ZNF540: variants seen among roughly 807,000 people sequenced by gnomAD.
The protein encoded by ZNF540 is zinc finger protein 540.
A neutral mutation model predicts 11.8 loss-of-function variants in ZNF540; 3 were observed. That is an observed-to-expected ratio of 0.25 (90% CI 0.12 to 0.65). The LOEUF is 0.65. ZNF540 is among the 30% of genes least tolerant of loss of function. The probability of loss-of-function intolerance (pLI) is 0.83; values close to 1 mark genes in which losing one functional copy is unlikely to be tolerated. For synonymous variants in ZNF540, 247 were observed against 259.0 expected (o/e 0.95, Z 0.45); for missense variants, 709 against 793.1 (o/e 0.89, Z 1.27).
intron 1 of ZNF540, among the ~76,000 whole-genome samples, chr19:37,561,074 A>AAAG (rs57590004): frequency 8.3e-4 from 113 of 135,808 alleles, no homozygotes; most frequent in Admixed American, 2.6e-3. Flanking sequence ...AAAAAAAAAA[A>AAAG]GAAAGAAAAA....
intron 4 of ZNF540, among the ~76,000 whole-genome samples, chr19:37,604,673 TTGTATC>T (rs1243140056): frequency 6.6e-6 from 1 of 152,146 alleles, no homozygotes; most frequent in Non-Finnish European, 1.5e-5. Flanking sequence ...AATTCATTAA[TTGTATC>T]TGTTTAATTA....
chr19:37,601,505 C>T (rs2044039362), intron 4 of ZNF540, among the ~76,000 whole-genome samples: 1 of 151,230 alleles, frequency 6.6e-6, no homozygotes, highest in Admixed American at 6.6e-5. Flanking sequence ...GTTATCAGTG[C>T]CTTGGTGAAT....
At chr19:37,579,893 C>A (rs2043388991) in intron 1 of ZNF540, among the ~76,000 whole-genome samples, 1 of 152,098 alleles carries the variant, frequency 6.6e-6, no homozygotes, top group Admixed American at 6.5e-5. Flanking sequence ...ATATTTTTGT[C>A]TATCCAAAAG....
chr19:37,567,528 A>C (rs1442614869), intron 1 of ZNF540: 2 of 152,160 alleles, frequency 1.3e-5, no homozygotes, highest in East Asian at 3.8e-4. Context: ...TTAAGCCTCA[A>C]ATTGAGCCAC....
At chr19:37,587,934 AC>A (rs776238556) in intron 1 of ZNF540, among the ~76,000 whole-genome samples, 2 of 151,826 alleles carry the variant, frequency 1.3e-5, no homozygotes, top group Non-Finnish European at 2.9e-5. Flanking sequence ...CAACATGGCT[AC>A]TAAAAAATAC....
chr19:37,579,497 T>TTCCC (rs2043369798), intron 1 of ZNF540, among the ~76,000 whole-genome samples: 1 of 152,194 alleles, frequency 6.6e-6, no homozygotes, highest in Non-Finnish European at 1.5e-5. Context: ...GGGGAAAGGA[T>TTCCC]TCCCTATTCA....
chr19:37,606,069 G>A (rs1407432934), intron 4 of ZNF540, among the ~76,000 whole-genome samples: 1 of 152,144 alleles, frequency 6.6e-6, no homozygotes, highest in African/African-American at 2.4e-5. Context: ...GTGCCCCTTT[G>A]CAGTTAATCC....
rs868237382 is a variant in ZNF540 at position 37,573,409 on chromosome 19, T to A, written c.-73+21744T>A. On this transcript the variant is annotated intron_variant, in intron 1 of 4. Transcript: ENST00000592533. ...AGCAGCAACTGGTGAATCTGCCCAA[T>A]TTGGTTTTCACCCATAACTGCCATC... Among the ~76,000 whole-genome samples, 7 of 152,302 alleles carry A rather than the reference T, an allele frequency of 4.6e-5. No individual in the cohort carries two copies. In the South Asian group the frequency reaches 6.2e-4, roughly 14 times the overall value.
rs1350963703 is a variant in ZNF540, at chr19:37,611,895, T to C, written c.615T>C (p.His205=). Reference sequence around the variant, plus strand: ...ATAATGTCTATCAGCTTACTCTCCATCAGAAAATTCATACTGGTGAAAAAT... The same window carrying C: ...ATAATGTCTATCAGCTTACTCTCCACCAGAAAATTCATACTGGTGAAAAAT... ...TFNNVYQLTL[H]QKIHTGEKSC... is the part of the protein sequence containing the mutation. Residue 205 remains histidine (H), a synonymous_variant, in exon 5 of 5, where the codon CAT becomes CAC. Coordinates refer to ENST00000316433, the MANE Select transcript of ZNF540 (RefSeq NM_001172225.3). 1 of 1,613,832 alleles carries C rather than the reference T, an allele frequency of 6.2e-7. No homozygotes were observed. The highest frequency in any genetic ancestry group is 1.1e-5 in the South Asian group (1 of 91,078).
In ZNF540 at chr19:37,564,762, T is replaced by C. The variant is rs748360668; in HGVS notation, c.-73+13097T>C. The C allele has an allele frequency of 1.9e-6, 3 of 1,613,794 alleles. No homozygotes were observed. In the South Asian group the frequency reaches 3.3e-5, roughly 18 times the overall value. ...CCACATTCCTTACATTCATAGGGTT[T>C]CTCTCCAGTATGAGTTCTCAGATGT... On this transcript the variant is annotated intron_variant, in intron 1 of 4. Transcript: ENST00000592533.
chr19:37,559,863 A>G (rs1177798408), intron 1 of ZNF540, among the ~76,000 whole-genome samples: 1 of 152,248 alleles, frequency 6.6e-6, no homozygotes, highest in East Asian at 1.9e-4. Flanking sequence ...CAGTTATCCT[A>G]TTATAGTATA....
chr19:37,598,415 G>A lies in ZNF540; in HGVS notation c.-33G>A, dbSNP rs201993136. The A allele has an allele frequency of 4.0e-5, 65 of 1,612,472 alleles. No homozygotes were observed. In the African/African-American group the frequency reaches 4.1e-4, roughly 10 times the overall value. On this transcript the variant is annotated 5_prime_UTR_variant, in exon 2 of 5. Coordinates refer to ENST00000316433, the MANE Select transcript of ZNF540 (RefSeq NM_001172225.3). Reference sequence around the variant, plus strand: ...TGCTTCTCCAGCAGAATAATCCTGCGGAAGACTGAGCAGTTCTTGTGAGTG... The same window carrying A: ...TGCTTCTCCAGCAGAATAATCCTGCAGAAGACTGAGCAGTTCTTGTGAGTG...
rs978853347 is a variant in ZNF540 at position 37,613,953 on chromosome 19, C to T, written c.*690C>T. The stretch of plus-strand genomic sequence containing the variant: ...GAAGAAGCCAAAGAGCCAGCTAGCT[C>T]TTTCAACCACATGAGGTTACAGCAA... On this transcript the variant is annotated 3_prime_UTR_variant, in exon 5 of 5. Coordinates refer to ENST00000316433, the MANE Select transcript of ZNF540 (RefSeq NM_001172225.3). 1 of 398,130 alleles carries T rather than the reference C, an allele frequency of 2.5e-6. No individual in the cohort carries two copies. The allele number at this position is 398,130 out of a possible 1,614,324, so 24.7% of individuals were successfully genotyped here. A position where few individuals can be genotyped will look rare whatever the true frequency, so the allele number is the denominator to read the frequency against.
chr19:37,565,391 C>T, intron 1 of ZNF540: 3 of 1,613,550 alleles, frequency 1.9e-6, no homozygotes, highest in Non-Finnish European at 1.7e-6. Flanking sequence ...TTGGGAGGCA[C>T]ATAAAAAGGC....
chr19:37,575,771 A>G (rs1460290809), intron 1 of ZNF540: 1 of 152,220 alleles, frequency 6.6e-6, no homozygotes. Flanking sequence ...TTGTGATCCA[A>G]CATGGCTGTC....
At chr19:37,588,099 C>CAAAAAAAAAAAAAAAAAAAAAA (rs58516591) in intron 1 of ZNF540, among the ~76,000 whole-genome samples, 2 of 45,744 alleles carry the variant, frequency 4.4e-5, no homozygotes, top group Admixed American at 3.9e-4. Flanking sequence ...GACTCCATCT[C>CAAAAAAAAAAAAAAAAAAAAAA]AAAAAAAAAA....
At chr19:37,581,377 G>A (rs1182295114) in intron 1 of ZNF540, among the ~76,000 whole-genome samples, 2 of 151,574 alleles carry the variant, frequency 1.3e-5, no homozygotes, top group South Asian at 2.1e-4. Flanking sequence ...TCAAGCAACC[G>A]TCCTTTTTGA....
At chr19:37,557,426 C>T (rs994082713) in intron 1 of ZNF540, among the ~76,000 whole-genome samples, 1 of 152,150 alleles carries the variant, frequency 6.6e-6, no homozygotes, top group African/African-American at 2.4e-5. Context: ...TCAGTGTTAA[C>T]GTTAATATCC....
Position 37,612,704 on chromosome 19 carries a change from C to T in ZNF540, c.1424C>T (p.Thr475Ile), listed in dbSNP as rs1239597051. The T allele has an allele frequency of 2.5e-6, 4 of 1,614,110 alleles. No individual in the cohort carries two copies. Among genetic ancestry groups the T allele is most frequent in the Non-Finnish European group, 3.4e-6 (4 of 1,179,988 alleles). Residue 475 changes from threonine (T) to isoleucine (I), a missense_variant, in exon 5 of 5, where the codon ACC becomes ATC. Coordinates refer to ENST00000316433, the MANE Select transcript of ZNF540 (RefSeq NM_001172225.3). ...TACGAATGTAAGGAATGTGGGAAGA[C>T]CTTTCGAGTTCGTTCTCAAATTAGT... ...KPYECKECGK[T>I]FRVRSQISLH...
Sources: gnomAD v4.1 joint callset for allele counts (sites outside exome capture counted in the v4.1 genomes callset) on GRCh38, gnomAD v4.1.1 for gene constraint, MANE v1.5 for transcripts, NCBI Gene and HGNC (gene_info 2026-07-23, HGNC 2026-07-21) for gene names.